Variants in TG observed in about 807,000 individuals in gnomAD.
TG encodes thyroid hormones.
In TG, 270 loss-of-function variants were observed where a neutral mutation model predicts 324.7. That is an observed-to-expected ratio of 0.83 (90% CI 0.75 to 0.92). The LOEUF (loss-of-function observed/expected upper bound fraction) is 0.92, where lower values mean the gene tolerates loss of function less well. Among genes scored for constraint, TG ranks in the 40% least tolerant of loss-of-function variants. The pLI is 0.00. For missense variants in TG, 3,591 were observed against 3,456.4 expected, an observed-to-expected ratio of 1.04 and a Z score of -0.98; for synonymous variants, 1,401 against 1,327.0, an observed-to-expected ratio of 1.06 and a Z score of -1.21.
intron 41 of TG, among the ~76,000 whole-genome samples, chr8:133,065,654 C>T (rs1842934308): frequency 6.6e-6 from 1 of 151,996 alleles, no homozygotes; most frequent in South Asian, 2.1e-4. Flanking sequence ...CCCAACTACT[C>T]AGGAGGCTGA....
intron 41 of TG, among the ~76,000 whole-genome samples, chr8:133,083,949 G>A (rs551070968): frequency 2.6e-5 from 4 of 152,254 alleles, no homozygotes; most frequent in Admixed American, 2.0e-4. Context: ...ACTCAGCCCA[G>A]GCCATGCCTC....
chr8:133,017,259 C>CTTT (rs1169038279), intron 37 of TG, among the ~76,000 whole-genome samples: 33 of 136,930 alleles, frequency 2.4e-4, no homozygotes, highest in African/African-American at 8.3e-4. Flanking sequence ...TCCTAAAAGT[C>CTTT]TTTTTTTTTT....
At chr8:133,049,229 G>C in intron 41 of TG, 1 of 439,048 alleles carries the variant, frequency 2.3e-6, no homozygotes, top group Non-Finnish European at 4.6e-6. Flanking sequence ...GTTGAGCCTA[G>C]TTTTCTAAGA....
At chr8:132,878,367 A>G (rs1487313747) in intron 5 of TG, among the ~76,000 whole-genome samples, 1 of 152,158 alleles carries the variant, frequency 6.6e-6, no homozygotes, top group African/African-American at 2.4e-5. Flanking sequence ...CTGTAATCCC[A>G]GCACTTTGGG....
intron 2 of TG, 159 bp downstream of exon 2, chr8:132,868,382 A>C: frequency 1.4e-6 from 1 of 713,972 alleles, no homozygotes; most frequent in Non-Finnish European, 2.5e-6. Context: ...TTCCACTGTC[A>C]TTTGGAGGTG....
At chr8:132,882,778 T>C (rs1397457011) in intron 7 of TG, 36 bp from the exon 8 acceptor site, 2 of 1,613,834 alleles carry the variant, frequency 1.2e-6, no homozygotes, top group Non-Finnish European at 1.7e-6. Context: ...CAAGCATTGT[T>C]GACACTGTCT....
intron 13 of TG, 67 bp from the exon 14 acceptor site, chr8:132,898,731 G>A (rs1817496091): frequency 1.4e-6 from 2 of 1,438,470 alleles, no homozygotes; most frequent in South Asian, 1.2e-5. Context: ...GGTGGGGTCA[G>A]CCTGGGATCC....
chr8:132,894,018 T>C lies in TG; in HGVS notation c.3001+89T>C, dbSNP rs944743504. On this transcript the variant is annotated intron_variant, in intron 11 of 47. Transcript: ENST00000220616. ...TCTCTCCTCAGTCATCCTTAGGACT[T>C]TGTGGTTTGGCTTCCCCAGACTGAT... is the stretch of plus-strand genomic sequence containing the variant. 6.9e-6 allele frequency: 11 copies of C among 1,602,446 alleles called. No homozygotes were observed. In the African/African-American group the frequency reaches 1.5e-4, roughly 21 times the overall value.
intron 20 of TG, among the ~76,000 whole-genome samples, chr8:132,917,168 A>G (rs1820457752): frequency 1.3e-5 from 2 of 151,906 alleles, no homozygotes; most frequent in South Asian, 2.1e-4. Flanking sequence ...TCAGGGAGGC[A>G]AAAAACAAAG....
intron 32 of TG, among the ~76,000 whole-genome samples, chr8:132,970,756 G>A (rs1358225143): frequency 1.3e-5 from 2 of 152,134 alleles, no homozygotes; most frequent in Non-Finnish European, 2.9e-5. Context: ...TGTGCGTCTG[G>A]ACTCAGGAAA....
intron 35 of TG, among the ~76,000 whole-genome samples, chr8:132,993,230 C>T (rs4601289): frequency 0.58 from 87,451 of 152,084 alleles, 26,544 homozygotes; most frequent in African/African-American, 0.73. Flanking sequence ...AAGTGATCAA[C>T]TAACTTTTGT....
chr8:133,098,091 A>G (rs1217563836), intron 43 of TG, among the ~76,000 whole-genome samples: 1 of 152,176 alleles, frequency 6.6e-6, no homozygotes, highest in Admixed American at 6.5e-5. Context: ...ACTCACATAC[A>G]GCATAGCCCT....
At chr8:133,016,852 G>A (rs908528346) in intron 37 of TG, among the ~76,000 whole-genome samples, 18 of 152,184 alleles carry the variant, frequency 1.2e-4, no homozygotes, top group South Asian at 2.1e-4. Flanking sequence ...AAATGTCGTC[G>A]AGGAAACAAG....
At chr8:133,084,417 A>T (rs1846209793) in intron 41 of TG, among the ~76,000 whole-genome samples, 1 of 152,178 alleles carries the variant, frequency 6.6e-6, no homozygotes, top group African/African-American at 2.4e-5. Flanking sequence ...AATGGAAGGG[A>T]GGCTCAGGAG....
chr8:133,114,623 G>A (rs914774882), intron 44 of TG, among the ~76,000 whole-genome samples: 2 of 152,200 alleles, frequency 1.3e-5, no homozygotes, highest in African/African-American at 2.4e-5. Flanking sequence ...CACAGGTGAC[G>A]CATCTTGGTT....
intron 41 of TG, among the ~76,000 whole-genome samples, chr8:133,092,056 C>G (rs1847636689): frequency 6.6e-6 from 1 of 152,206 alleles, no homozygotes; most frequent in South Asian, 2.1e-4. Context: ...TAAAACAAAG[C>G]AAGTCTCCTG....
chr8:133,016,454 C>T (rs1028850354), intron 37 of TG, among the ~76,000 whole-genome samples: 9 of 152,198 alleles, frequency 5.9e-5, no homozygotes, highest in Non-Finnish European at 1.5e-5. Context: ...AAAATTACTT[C>T]CAGTTGAGAA....
chr8:133,047,789 G>T (rs769980399), intron 41 of TG: 2 of 1,109,514 alleles, frequency 1.8e-6, no homozygotes, highest in Non-Finnish European at 2.8e-6. Flanking sequence ...AAACATGCTT[G>T]TCTGCCCCGG....
intron 18 of TG, among the ~76,000 whole-genome samples, chr8:132,910,264 G>T (rs111580143): frequency 1.3e-5 from 2 of 152,176 alleles, no homozygotes; most frequent in Non-Finnish European, 2.9e-5. Context: ...GGCCCTGTCT[G>T]CATTCTGAAG....
Sources: gnomAD v4.1 joint callset for allele counts (sites outside exome capture counted in the v4.1 genomes callset) on GRCh38, gnomAD v4.1.1 for gene constraint, MANE v1.5 for transcripts, NCBI Gene and HGNC (gene_info 2026-07-23, HGNC 2026-07-21) for gene names.